The following CA6 variants were observed in gnomAD, a reference collection of about 807,000 sequenced individuals.
The protein encoded by CA6 is carbonic anhydrase 6.
Under a neutral mutation model 35.9 loss-of-function variants are expected in CA6, and 28 were observed. The ratio of observed to expected loss-of-function variants is 0.78; its 90% CI spans 0.58 to 1.07. CA6 has a LOEUF of 1.07. Among genes scored for constraint, CA6 ranks in the 50% least tolerant of loss-of-function variants. CA6 has a pLI of 0.00. For missense variants in CA6, 377 were observed against 382.0 expected (o/e 0.99, Z 0.11); for synonymous variants, 148 against 152.6 (o/e 0.97, Z 0.22).
At chr1:8,967,023 G>C (rs1037886331) in intron 5 of CA6, among the ~76,000 whole-genome samples, 1 of 151,840 alleles carries the variant, frequency 6.6e-6, no homozygotes, top group Non-Finnish European at 1.5e-5. Context: ...GGGCCTCCCT[G>C]TGTTGCCCAG....
At chr1:8,972,327 A>G (rs1640130337) in intron 7 of CA6, among the ~76,000 whole-genome samples, 1 of 152,072 alleles carries the variant, frequency 6.6e-6, no homozygotes, top group Non-Finnish European at 1.5e-5. Flanking sequence ...CTGGGATTAT[A>G]AGCACGAGCC....
intron 5 of CA6, among the ~76,000 whole-genome samples, chr1:8,966,707 G>T (rs1007805255): frequency 6.6e-6 from 1 of 152,194 alleles, no homozygotes; most frequent in African/African-American, 2.4e-5. Flanking sequence ...CAGGGAAAGT[G>T]AAGCAAAATC....
At position 8,961,691 on chromosome 1, in the gene CA6, T is replaced by C. The variant is rs1029790549; in HGVS notation, c.502-896T>C. On this transcript the variant is annotated intron_variant, in intron 4 of 7. Coordinates refer to ENST00000377443, the MANE Select transcript of CA6 (RefSeq NM_001215.4). The stretch of plus-strand genomic sequence containing the variant: ...AGTCATAAAGCCAAGAAAGCCAAAT[T>C]TATGCACAGTGAAAGAGATCAACAC... Among the ~76,000 whole-genome samples, 7 of 151,394 alleles carry C rather than the reference T, an allele frequency of 4.6e-5. 1 individual carries two copies. The East Asian group carries it at 1.4e-3, about 30-fold the overall frequency.
intron 1 of CA6, among the ~76,000 whole-genome samples, chr1:8,947,253 C>G (rs539882217): frequency 6.6e-6 from 1 of 152,054 alleles, no homozygotes; most frequent in Non-Finnish European, 1.5e-5. Flanking sequence ...AGCTTCTTCC[C>G]GCATCCCCCT....
intron 2 of CA6, chr1:8,952,417 A>G (rs7533235): frequency 0.59 from 89,407 of 151,922 alleles, 26,603 homozygotes; most frequent in East Asian, 0.7. Flanking sequence ...GATTATATGC[A>G]TAAGCCACCG....
chr1:8,946,044 T>TC, intron 1 of CA6, 79 bp downstream of exon 1: 13 of 603,796 alleles, frequency 2.2e-5, no homozygotes, highest in African/African-American at 2.0e-4. Flanking sequence ...TTCTTCTTCT[T>TC]TTTTTTTTTT....
chr1:8,962,707 G>A, intron 5 of CA6, 51 bp downstream of exon 5: 1 of 1,510,882 alleles, frequency 6.6e-7, no homozygotes, highest in Non-Finnish European at 9.2e-7. Context: ...GAGTGTGAGT[G>A]TGAGTGTGAG....
intron 1 of CA6, among the ~76,000 whole-genome samples, chr1:8,947,994 G>A (rs1344442589): frequency 6.6e-6 from 1 of 152,048 alleles, no homozygotes; most frequent in South Asian, 2.1e-4. Context: ...AACGGCATGT[G>A]CCACCATGCC....
intron 2 of CA6, chr1:8,951,783 A>G (rs1569664716): frequency 1.5e-6 from 1 of 646,362 alleles, no homozygotes; most frequent in East Asian, 2.5e-5. Flanking sequence ...CGGACATTAG[A>G]GTGGACCCAA....
rs750920739 is a variant in CA6 at position 8,945,930 on chromosome 1, G to A, written c.44G>A (p.Gly15Asp). ...CTGCTGTCCCTGTTCCTGCTGGGTGGCCAGGCCCAGCATGTGTCTGACTGG... is the reference window on the plus strand; with the variant it reads ...CTGCTGTCCCTGTTCCTGCTGGGTGACCAGGCCCAGCATGTGTCTGACTGG... ...VLLLSLFLLG[G>D]QAQHVSDWTY... The change falls in exon 1 of 8, where the codon GGC (glycine) becomes GAC (aspartate). Residue 15 changes from glycine to aspartate, a missense_variant. By Grantham distance (94) the Gly-to-Asp change is moderately conservative. Transcript: ENST00000377443. 1 of 1,613,488 alleles carries A rather than the reference G, an allele frequency of 6.2e-7. No individual in the cohort carries two copies. The highest frequency in any genetic ancestry group is 8.5e-7 in the Non-Finnish European group (1 of 1,179,614).
At chr1:8,956,970 GCCTCTTCTCCTTTGGTGAC>G (rs1639702451) in intron 2 of CA6, among the ~76,000 whole-genome samples, 148 bp from the exon 3 acceptor site, 1 of 152,156 alleles carries the variant, frequency 6.6e-6, no homozygotes, top group Admixed American at 6.6e-5. Flanking sequence ...GTGCGCAAAC[GCCTCTTCTCCTTTGGTGAC>G]CCTGCCCATG....
intron 2 of CA6, among the ~76,000 whole-genome samples, chr1:8,951,160 GA>G (rs56167780): frequency 0.3 from 44,684 of 151,068 alleles, 7,658 homozygotes; most frequent in Middle Eastern, 0.41. Context: ...AGGTTGCAGT[GA>G]GCCAAGATCG....
At chr1:8,967,070 G>A (rs190293210) in intron 5 of CA6, among the ~76,000 whole-genome samples, 54 of 152,166 alleles carry the variant, frequency 3.5e-4, no homozygotes, top group African/African-American at 1.3e-3. Flanking sequence ...CAATCCTCCC[G>A]CCTTGGCCTC....
chr1:8,961,066 T>A lies in CA6; in HGVS notation c.502-1521T>A, dbSNP rs553615382. On this transcript the variant is annotated intron_variant, in intron 4 of 7. Transcript: ENST00000377443. ...GACTTTTCAAGTCATCAGAACACAG[T>A]GGAATGACTGTCAATCAAGAATTCT... Among the ~76,000 whole-genome samples the A allele has an allele frequency of 3.3e-5, 5 of 152,236 alleles. No individual in the cohort carries two copies. In the East Asian group the frequency reaches 9.6e-4, roughly 29 times the overall value.
chr1:8,961,259 T>C (rs1639836940), intron 4 of CA6, among the ~76,000 whole-genome samples: 1 of 152,138 alleles, frequency 6.6e-6, no homozygotes, highest in Non-Finnish European at 1.5e-5. Flanking sequence ...CAGAAAGAAG[T>C]GAAGAGTACT....
chr1:8,959,076 T>C, intron 4 of CA6, 74 bp downstream of exon 4: 1 of 840,452 alleles, frequency 1.2e-6, no homozygotes, highest in Non-Finnish European at 2.0e-6. Flanking sequence ...TGAAGTCTAG[T>C]TGAACAGTCT....
At chr1:8,960,789 C>CACACACACACACACACACATATATAT (rs59987426) in intron 4 of CA6, among the ~76,000 whole-genome samples, 6 of 116,980 alleles carry the variant, frequency 5.1e-5, no homozygotes, top group East Asian at 2.2e-4. Flanking sequence ...CACACACACA[C>CACACACACACACACACACATATATAT]ATATATATAA....
At chr1:8,948,993 AT>A (rs1639444847) in intron 1 of CA6, among the ~76,000 whole-genome samples, 1 of 151,170 alleles carries the variant, frequency 6.6e-6, no homozygotes, top group African/African-American at 2.4e-5. Flanking sequence ...AAAGACTTCC[AT>A]TGATTTCAAA....
rs1304489879 is a variant in CA6, at chr1:8,971,112, C to A, written c.844+131C>A. The A allele has an allele frequency of 5.9e-6, 4 of 679,890 alleles. No individual in the cohort carries two copies. In the East Asian group the frequency reaches 8.4e-5, roughly 14 times the overall value. The allele number at this position is 679,890 out of a possible 1,614,324, so 42.1% of individuals were successfully genotyped here. On this transcript the variant is annotated intron_variant, in intron 7 of 7. Transcript: ENST00000377443. The stretch of plus-strand genomic sequence containing the variant: ...TTCAGTAGCAAGAGGCTCAGGTGGG[C>A]CAAGCTGCACAGGGCTTGGGCAGAG...
Sources: gnomAD v4.1 joint callset for allele counts (sites outside exome capture counted in the v4.1 genomes callset) on GRCh38, gnomAD v4.1.1 for gene constraint, MANE v1.5 for transcripts, NCBI Gene and HGNC (gene_info 2026-07-23, HGNC 2026-07-21) for gene names.